TASOR: variants seen among roughly 807,000 people sequenced by gnomAD.
TASOR encodes transcription activation suppressor.
In TASOR, 53 loss-of-function variants were observed where a neutral mutation model predicts 178.6. The observed-to-expected ratio is 0.30, with a 90% CI of 0.24 to 0.37. The LOEUF is 0.37. Ranked by LOEUF, TASOR falls within the 10% of genes least tolerant of loss-of-function variation. TASOR has a pLI of 1.00. For synonymous variants in TASOR, 713 were observed against 696.2 expected, an observed-to-expected ratio of 1.02 and a Z score of -0.38; for missense variants, 1,815 against 1,971.4, an observed-to-expected ratio of 0.92 and a Z score of 1.50.
chr3:56,628,105 A>C (rs1003195909), intron 19 of TASOR, among the ~76,000 whole-genome samples: 1 of 152,226 alleles, frequency 6.6e-6, no homozygotes, highest in Non-Finnish European at 1.5e-5. Flanking sequence ...TAGGATGGAG[A>C]TAGGGCTCCT....
intron 1 of TASOR, among the ~76,000 whole-genome samples, chr3:56,674,501 CCT>C (rs1256133913): frequency 2.6e-5 from 4 of 151,928 alleles, no homozygotes; most frequent in Middle Eastern, 3.4e-3. Flanking sequence ...AGAGAGAGAC[CCT>C]GTCTCAAAAA....
At chr3:56,656,469 T>A (rs1044158827) in intron 11 of TASOR, among the ~76,000 whole-genome samples, 2 of 151,970 alleles carry the variant, frequency 1.3e-5, no homozygotes, top group African/African-American at 4.8e-5. Flanking sequence ...TGCACGCCTG[T>A]AGTCCCAGCT....
chr3:56,630,913 G>C (rs1005756316), intron 18 of TASOR, among the ~76,000 whole-genome samples: 1 of 141,352 alleles, frequency 7.1e-6, no homozygotes, highest in Non-Finnish European at 1.6e-5. Context: ...AAAAAGGAGC[G>C]GGGGGGTGGG....
rs1050025480 is a variant in TASOR, at chr3:56,622,644, G to A, written c.*393C>T. Reference sequence around the variant, plus strand: ...ACTGACTTATACCTGTGTAAACACAGTATACAAAAGCCTACATCAAAATAA... The same window carrying A: ...ACTGACTTATACCTGTGTAAACACAATATACAAAAGCCTACATCAAAATAA... On this transcript the variant is annotated 3_prime_UTR_variant, in exon 24 of 24. Coordinates refer to ENST00000683822, the MANE Select transcript of TASOR (RefSeq NM_001365635.2). The A allele has an allele frequency of 6.5e-6, 1 of 154,614 alleles. No homozygotes were observed. Among genetic ancestry groups the A allele is most frequent in the African/African-American group, 2.4e-5 (1 of 41,506 alleles). The allele number at this position is 154,614 out of a possible 1,614,324, so 9.6% of individuals were successfully genotyped here. A position where few individuals can be genotyped will look rare whatever the true frequency, so the allele number is the denominator to read the frequency against.
In TASOR at chr3:56,683,142, G is replaced by A. The variant is rs2031955468; in HGVS notation, c.-136C>T. 3.0e-6 allele frequency: 3 copies of A among 1,000,168 alleles called. No homozygotes were observed. Among genetic ancestry groups the A allele is most frequent in the Middle Eastern group, 3.3e-4 (1 of 3,046 alleles). 62.0% of individuals were successfully genotyped at this position (1,000,168 alleles called of 1,614,324 possible). A position where few individuals can be genotyped will look rare whatever the true frequency, so the allele number is the denominator to read the frequency against. On this transcript the variant is annotated 5_prime_UTR_variant, in exon 1 of 24. Coordinates refer to ENST00000683822, the MANE Select transcript of TASOR (RefSeq NM_001365635.2). ...CCTTCCCCCCGTGGCCTCAGGCTGC[G>A]CTCCCGACCTGGCAGCCTCTTGGGG...
chr3:56,670,190 T>C (rs1158178945), intron 3 of TASOR, 45 bp from the exon 4 acceptor site: 1 of 1,161,832 alleles, frequency 8.6e-7, no homozygotes, highest in East Asian at 2.6e-5. Flanking sequence ...ATAACAACAT[T>C]TAAAACATGA....
chr3:56,675,372 T>C (rs1388144141), intron 1 of TASOR, among the ~76,000 whole-genome samples: 7 of 151,676 alleles, frequency 4.6e-5, no homozygotes. Context: ...ATATGGGGTT[T>C]CACCATGTTG....
intron 11 of TASOR, among the ~76,000 whole-genome samples, chr3:56,658,294 A>T (rs2077515193): frequency 6.6e-6 from 1 of 152,212 alleles, no homozygotes; most frequent in Non-Finnish European, 1.5e-5. Flanking sequence ...GTCTTCCATT[A>T]ACATAATGTA....
At chr3:56,650,734 T>C (rs1290866740) in intron 11 of TASOR, among the ~76,000 whole-genome samples, 2 of 152,210 alleles carry the variant, frequency 1.3e-5, no homozygotes. Flanking sequence ...TCAGGCCAAG[T>C]TACATCATAC....
chr3:56,661,895 C>T (rs751041254), intron 9 of TASOR, among the ~76,000 whole-genome samples: 8 of 152,068 alleles, frequency 5.3e-5, no homozygotes, highest in East Asian at 1.9e-4. Context: ...GAGGCCAAGG[C>T]GGGAGGATCA....
At chr3:56,662,321 A>T in intron 9 of TASOR, 64 bp downstream of exon 9, 1 of 819,772 alleles carries the variant, frequency 1.2e-6, no homozygotes, top group Non-Finnish European at 2.0e-6. Context: ...AAAAAGAAAT[A>T]AGGAAAAAGG....
chr3:56,623,687 G>T, intron 23 of TASOR, 121 bp from the exon 24 acceptor site: 1 of 1,547,014 alleles, frequency 6.5e-7, no homozygotes. Flanking sequence ...ATCCCTTAAA[G>T]CTTGGTCTTC....
At chr3:56,628,372 G>A (rs2076840885) in intron 19 of TASOR, 120 bp downstream of exon 19, 2 of 866,760 alleles carry the variant, frequency 2.3e-6, no homozygotes, top group Non-Finnish European at 3.6e-6. Flanking sequence ...ATTCACAGAT[G>A]GGTCCTTAAG....
chr3:56,663,940 G>A (rs371364216), intron 7 of TASOR: 1 of 835,354 alleles, frequency 1.2e-6, no homozygotes, highest in East Asian at 1.2e-4. Context: ...TACATACTAA[G>A]CTCTTATTTA....
At chr3:56,627,196 A>G in intron 20 of TASOR, 51 bp from the exon 21 acceptor site, 1 of 1,066,738 alleles carries the variant, frequency 9.4e-7, no homozygotes, top group South Asian at 1.4e-5. Context: ...ATCATTCCAT[A>G]AGTGAATTAT....
At position 56,622,941 on chromosome 3, in the gene TASOR, T is replaced by C; in HGVS notation, c.*96A>G. 1.3e-6 allele frequency: 1 copy of C among 785,584 alleles called. No homozygotes were observed. Among genetic ancestry groups the C allele is most frequent in the Non-Finnish European group, 1.9e-6 (1 of 525,188 alleles). The allele number at this position is 785,584 out of a possible 1,614,324, so 48.7% of individuals were successfully genotyped here. A position where few individuals can be genotyped will look rare whatever the true frequency, so the allele number is the denominator to read the frequency against. Reference sequence around the variant, plus strand: ...CATGATTTAAATAAAAGAAAAAACATTTGAGAAAGAACAAGAACCTTTTGT... The same window carrying C: ...CATGATTTAAATAAAAGAAAAAACACTTGAGAAAGAACAAGAACCTTTTGT... On this transcript the variant is annotated 3_prime_UTR_variant, in exon 24 of 24. Transcript: ENST00000683822.
Position 56,627,019 on chromosome 3 carries a change from T to C in TASOR, c.4139+18A>G, listed in dbSNP as rs775240337. The stretch of plus-strand genomic sequence containing the variant: ...GTTAAAATCAACAACCATTATATAG[T>C]TATGTTTCAAAGCTTACCTGCCTAG... On this transcript the variant is annotated intron_variant, in intron 21 of 23. Coordinates refer to ENST00000683822, the MANE Select transcript of TASOR (RefSeq NM_001365635.2). 7.1e-7 allele frequency: 1 copy of C among 1,405,478 alleles called. No individual in the cohort carries two copies. The highest frequency in any genetic ancestry group is 1.0e-6 in the Non-Finnish European group (1 of 999,582). 87.1% of individuals were successfully genotyped at this position (1,405,478 alleles called of 1,614,324 possible).
At chr3:56,638,303 T>C (rs554007712) in intron 17 of TASOR, among the ~76,000 whole-genome samples, 1 of 152,156 alleles carries the variant, frequency 6.6e-6, no homozygotes, top group East Asian at 1.9e-4. Context: ...GAGGCAGAGG[T>C]TGCAGTGAGC....
At chr3:56,662,125 C>T (rs1404261612) in intron 9 of TASOR, among the ~76,000 whole-genome samples, 6 of 139,610 alleles carry the variant, frequency 4.3e-5, no homozygotes, top group Admixed American at 7.1e-5. Flanking sequence ...AGCGAAACTC[C>T]GTCTCAAAAA....
Sources: allele counts gnomAD v4.1 joint callset (sites outside exome capture counted in the v4.1 genomes callset), GRCh38; gene constraint gnomAD v4.1.1; transcripts MANE v1.5; gene names NCBI Gene and HGNC (gene_info 2026-07-23, HGNC 2026-07-21).